The following RGS3 variants were observed in gnomAD, a reference collection of about 807,000 sequenced individuals.
The protein encoded by RGS3 is regulator of G protein signaling 3.
Under a neutral mutation model 132.6 loss-of-function variants are expected in RGS3, and 80 were observed. The ratio of observed to expected loss-of-function variants is 0.60; its 90% CI spans 0.50 to 0.73. The LOEUF (loss-of-function observed/expected upper bound fraction) is 0.73. RGS3 is among the 30% of genes least tolerant of loss of function. RGS3 has a pLI of 0.00. For missense variants in RGS3, 1,382 were observed against 1,530.8 expected, an observed-to-expected ratio of 0.90 and a Z score of 1.62; for synonymous variants, 598 against 620.6, an observed-to-expected ratio of 0.96 and a Z score of 0.54.
chr9:113,484,200 C>A lies in RGS3; in HGVS notation c.588C>A (p.Cys196Ter). 1 of 1,612,526 alleles carries A rather than the reference C, an allele frequency of 6.2e-7. No homozygotes were observed. The highest frequency in any genetic ancestry group is 8.5e-7 in the Non-Finnish European group (1 of 1,178,704). ...AGAAGACGCAGACCGTTCCAGACTG[C>A]AGAGACCCGGCTTTCCACGAGCACT... Residue 196 changes from cysteine (C) to a stop codon, truncating the protein, a stop_gained, in exon 6 of 25, where the codon TGC (cysteine) becomes TGA (stop). Transcript: ENST00000350696. LOFTEE classifies it high-confidence loss of function.
At chr9:113,566,720 A>G (rs1259322603) in intron 19 of RGS3, among the ~76,000 whole-genome samples, 1 of 152,138 alleles carries the variant, frequency 6.6e-6, no homozygotes, top group Non-Finnish European at 1.5e-5. Flanking sequence ...ATGCTTGAAA[A>G]CTTTCCACAT....
In RGS3 at chr9:113,462,030, G is replaced by A. The variant is rs747135835; in HGVS notation, c.244G>A (p.Val82Ile). The change falls in exon 3 of 25, where the codon GTC (valine) becomes ATC (isoleucine). Residue 82 changes from valine to isoleucine, a missense_variant. By Grantham distance (29) the Val-to-Ile change is conservative (BLOSUM62 3). Coordinates refer to ENST00000350696, the Ensembl canonical transcript of RGS3. ...CATCTTGCTCCTGCAGGTCTGCCAC[G>A]TCTCTGTGCTCAGTGTCCTCTCTAC... The A allele has an allele frequency of 2.4e-5, 39 of 1,613,470 alleles. No homozygotes were observed. In the East Asian group the frequency reaches 7.4e-4, roughly 30 times the overall value.
intron 17 of RGS3, 149 bp from the exon 16 acceptor site, chr9:113,529,072 A>T: frequency 1.5e-6 from 1 of 684,676 alleles, no homozygotes; most frequent in Non-Finnish European, 2.6e-6. Context: ...TTTCCTCCAG[A>T]GACTTCCCTG....
At position 113,591,905 on chromosome 9, in the gene RGS3, T is replaced by A. The variant is rs1835449251; in HGVS notation, c.3080+508T>A. On this transcript the variant is annotated intron_variant, in intron 21 of 24. Coordinates refer to ENST00000350696, the Ensembl canonical transcript of RGS3. This position sits in a 1 kb window ranked among gnomAD's most constrained non-coding sequence, Gnocchi z 4.4. The stretch of plus-strand genomic sequence containing the variant: ...TTCTGGCCACACTCAGGCCTTCTTA[T>A]ACTATAGGGTGTTTGTTAGAGGTGT... The A allele has an allele frequency of 6.2e-6, 1 of 162,538 alleles. No individual in the cohort carries two copies. The highest frequency in any genetic ancestry group is 2.4e-5 in the African/African-American group (1 of 41,878). The allele number at this position is 162,538 out of a possible 1,614,324, so 10.1% of individuals were successfully genotyped here.
At chr9:113,581,761 G>A (rs147452744) in intron 19 of RGS3, 3,738 of 152,430 alleles carry the variant, frequency 0.025, 66 homozygotes, top group Admixed American at 0.037. Context: ...ATTTCGGATC[G>A]CTGTTGTTTC....
intron 19 of RGS3, among the ~76,000 whole-genome samples, chr9:113,561,011 T>A (rs1564570632): frequency 6.6e-6 from 1 of 151,940 alleles, no homozygotes; most frequent in East Asian, 1.9e-4. Flanking sequence ...TTCCCTGACT[T>A]CTCTCTCTCT....
intron 3 of RGS3, among the ~76,000 whole-genome samples, chr9:113,469,562 G>T (rs1044793203): frequency 5.9e-5 from 9 of 151,834 alleles, no homozygotes; most frequent in African/African-American, 2.2e-4. Context: ...ACAGAAAAGT[G>T]TCCCCCCAAT....
At chr9:113,500,333 A>G (rs925611761) in intron 10 of RGS3, among the ~76,000 whole-genome samples, 1 of 152,204 alleles carries the variant, frequency 6.6e-6, no homozygotes, top group Non-Finnish European at 1.5e-5. Context: ...TCACACAGCA[A>G]CCAAAGCTGG....
intron 10 of RGS3, among the ~76,000 whole-genome samples, chr9:113,503,873 C>T (rs1291928601): frequency 6.6e-6 from 1 of 152,230 alleles, no homozygotes; most frequent in Non-Finnish European, 1.5e-5. Flanking sequence ...TTTCCCCCAG[C>T]TTTCCACACT....
chr9:113,479,990 G>C (rs1830109132), intron 4 of RGS3, among the ~76,000 whole-genome samples: 1 of 152,146 alleles, frequency 6.6e-6, no homozygotes, highest in South Asian at 2.1e-4. Context: ...TTTGAACCCT[G>C]GCTCTGATAC....
At chr9:113,485,553 TG>T in intron 6 of RGS3, 71 bp from the exon 5 acceptor site, 1 of 1,203,930 alleles carries the variant, frequency 8.3e-7, no homozygotes, top group South Asian at 1.3e-5. Context: ...GAATTATGAC[TG>T]ACTCTATGAG....
At chr9:113,582,915 C>T (rs1485180739) in intron 19 of RGS3, 1 of 161,722 alleles carries the variant, frequency 6.2e-6, no homozygotes, top group Non-Finnish European at 1.4e-5. Context: ...CTTAAGCGTT[C>T]AGAGCACATT....
chr9:113,570,823 G>A (rs761096917), intron 19 of RGS3, among the ~76,000 whole-genome samples: 3 of 152,152 alleles, frequency 2.0e-5, no homozygotes, highest in Non-Finnish European at 4.4e-5. Context: ...TTTTAGTAGA[G>A]ACAGGTTTCA....
At chr9:113,508,454 C>A in intron 13 of RGS3, 87 bp from the exon 12 acceptor site, 1 of 1,495,068 alleles carries the variant, frequency 6.7e-7, no homozygotes, top group Non-Finnish European at 9.3e-7. Context: ...CACTTCCTCT[C>A]CCCTGGGGCC....
At chr9:113,541,503 C>A (rs781541162) in intron 19 of RGS3, 4 of 1,569,092 alleles carry the variant, frequency 2.5e-6, no homozygotes, top group Non-Finnish European at 3.5e-6. Context: ...AGTAACCTCA[C>A]CTCAACTGGA....
At chr9:113,476,088 C>T (rs1236651899) in intron 3 of RGS3, among the ~76,000 whole-genome samples, 1 of 152,170 alleles carries the variant, frequency 6.6e-6, no homozygotes, top group Non-Finnish European at 1.5e-5. Context: ...TAGGATGTGC[C>T]ACTATGCTCA....
intron 14 of RGS3, among the ~76,000 whole-genome samples, chr9:113,509,276 C>G (rs187829788): frequency 6.6e-6 from 1 of 150,700 alleles, no homozygotes; most frequent in Admixed American, 6.6e-5. Flanking sequence ...CAGAGCGAGA[C>G]TCTGTCTAAA....
chr9:113,482,005 C>T (rs1182325375), intron 4 of RGS3, among the ~76,000 whole-genome samples: 8 of 149,844 alleles, frequency 5.3e-5, no homozygotes, highest in Non-Finnish European at 1.0e-4. Context: ...GAGATCGTGC[C>T]ATTGCACTCC....
At chr9:113,517,758 AC>A (rs1343713986) in intron 16 of RGS3, 134 bp downstream of exon 14, 41 of 606,752 alleles carry the variant, frequency 6.8e-5, no homozygotes, top group Non-Finnish European at 1.1e-4. Context: ...CCTGAGAAGG[AC>A]CCCGCCACTC....
Sources: allele counts gnomAD v4.1 joint callset (sites outside exome capture counted in the v4.1 genomes callset), GRCh38; gene constraint gnomAD v4.1.1; non-coding constraint Gnocchi (gnomAD v3.1); transcripts MANE v1.5; gene names NCBI Gene and HGNC (gene_info 2026-07-23, HGNC 2026-07-21).